Variants in LMTK2 observed in about 807,000 individuals in gnomAD.
LMTK2 encodes lemur tail kinase 2.
LMTK2 carries 37 observed loss-of-function variants against 127.5 expected under a neutral mutation model. The observed-to-expected ratio is 0.29, with a 90% confidence interval of 0.22 to 0.38. The LOEUF is 0.38. Ranked by LOEUF, LMTK2 falls within the 10% of genes least tolerant of loss-of-function variation. The pLI is 1.00. For missense variants in LMTK2, 1,694 were observed against 1,920.3 expected (o/e 0.88, Z 2.20); for synonymous variants, 819 against 810.1 (o/e 1.01, Z -0.19).
At chr7:98,172,151 G>A (rs1363176052) in intron 7 of LMTK2, among the ~76,000 whole-genome samples, 2 of 152,154 alleles carry the variant, frequency 1.3e-5, no homozygotes, top group African/African-American at 4.8e-5. Context: ...GGCTTCAGGT[G>A]CCCATTTGGA....
At position 98,205,363 on chromosome 7, in the gene LMTK2, G is replaced by A. The variant is rs1797774063; in HGVS notation, c.4484-101G>A. 9 of 1,429,348 alleles carry A rather than the reference G, an allele frequency of 6.3e-6. No individual in the cohort carries two copies. In the South Asian group the frequency reaches 8.1e-5, roughly 13 times the overall value. 88.5% of individuals were successfully genotyped at this position (1,429,348 alleles called of 1,614,324 possible). On this transcript the variant is annotated intron_variant, in intron 13 of 13. Transcript: ENST00000297293. ...AGGCGGTGCTGGGCTCAAAACACCC[G>A]CTTCCGTTCCTGTGGTGCAGCGCAC...
chr7:98,180,766 AC>A, intron 7 of LMTK2, among the ~76,000 whole-genome samples: 1 of 152,240 alleles, frequency 6.6e-6, no homozygotes, highest in Non-Finnish European at 1.5e-5. Context: ...TTTACTTATA[AC>A]AGACTATTAC....
rs186487959 is a variant in LMTK2, at chr7:98,151,378, A to G, written c.377-4A>G. 75 of 1,602,690 alleles carry G rather than the reference A, an allele frequency of 4.7e-5. No homozygotes were observed. The African/African-American group carries it at 6.8e-4, about 15-fold the overall frequency. ...TTTCATTTTTAATGTTTTTTTCTCTACAGAGGGATTGAAGTCTCAAGTTGC... is the reference window on the plus strand; with the variant it reads ...TTTCATTTTTAATGTTTTTTTCTCTGCAGAGGGATTGAAGTCTCAAGTTGC... On this transcript the variant is annotated splice_region_variant and splice_polypyrimidine_tract_variant and intron_variant, in intron 3 of 13. Transcript: ENST00000297293.
At position 98,193,367 on chromosome 7, in the gene LMTK2, C is replaced by T; in HGVS notation, c.2902C>T (p.Leu968Phe). ...AAAAGAAGCAGGCTTGGTGTCTGCCCTCTCCTCGGACTCAACCAGTCAGGA... is the reference window on the plus strand; with the variant it reads ...AAAAGAAGCAGGCTTGGTGTCTGCCTTCTCCTCGGACTCAACCAGTCAGGA... ...AAKEAGLVSA[L>F]SSDSTSQDSL... The change falls in exon 11 of 14, where the codon CTC (leucine) becomes TTC (phenylalanine). Residue 968 changes from leucine to phenylalanine, a missense_variant. Coordinates refer to ENST00000297293, the MANE Select transcript of LMTK2 (RefSeq NM_014916.4). This position sits in a 1 kb window ranked among gnomAD's most constrained non-coding sequence, Gnocchi z 4.1. 1.2e-6 allele frequency: 2 copies of T among 1,614,208 alleles called. No individual in the cohort carries two copies. The highest frequency in any genetic ancestry group is 1.7e-6 in the Non-Finnish European group (2 of 1,180,036).
chr7:98,202,194 G>A (rs150431811), intron 11 of LMTK2, among the ~76,000 whole-genome samples: 32 of 151,810 alleles, frequency 2.1e-4, no homozygotes, highest in African/African-American at 6.8e-4. Flanking sequence ...GATTTCCTTC[G>A]TCATCTCCAT....
intron 2 of LMTK2, among the ~76,000 whole-genome samples, chr7:98,140,123 TTTCTTTCTTTC>T (rs1796658441): frequency 3.9e-4 from 2 of 5,096 alleles, no homozygotes; most frequent in East Asian, 7.1e-3. Context: ...TCTTTCTTTC[TTTCTTTCTTTC>T]TTTCTTTCTT....
chr7:98,139,863 A>G (rs1386049060), intron 2 of LMTK2, among the ~76,000 whole-genome samples: 3 of 152,160 alleles, frequency 2.0e-5, no homozygotes, highest in African/African-American at 7.2e-5. Context: ...TCAGTGGAGA[A>G]CAGTCTTGTT....
At chr7:98,126,786 C>A (rs977162376) in intron 1 of LMTK2, 4 of 152,212 alleles carry the variant, frequency 2.6e-5, no homozygotes, top group Non-Finnish European at 4.4e-5. Context: ...AATTATATAA[C>A]CTTTCTGCAA....
chr7:98,185,141 C>G lies in LMTK2; in HGVS notation c.876+6C>G. 1 of 1,591,686 alleles carries G rather than the reference C, an allele frequency of 6.3e-7. No individual in the cohort carries two copies. Among genetic ancestry groups the G allele is most frequent in the Non-Finnish European group, 8.6e-7 (1 of 1,160,306 alleles). Reference sequence around the variant, plus strand: ...TAGGATTCAGCAGGTACAAGGTAAGCCAGAGGTTTAAATGTTTTCAGTCTG... The same window carrying G: ...TAGGATTCAGCAGGTACAAGGTAAGGCAGAGGTTTAAATGTTTTCAGTCTG... On this transcript the variant is annotated splice_donor_region_variant and intron_variant, in intron 8 of 13. Coordinates refer to ENST00000297293, the MANE Select transcript of LMTK2 (RefSeq NM_014916.4).
At chr7:98,146,172 C>T (rs926647597) in intron 3 of LMTK2, among the ~76,000 whole-genome samples, 1 of 152,076 alleles carries the variant, frequency 6.6e-6, no homozygotes, top group African/African-American at 2.4e-5. Flanking sequence ...GATACAGACT[C>T]TTGATCTGTA....
intron 11 of LMTK2, among the ~76,000 whole-genome samples, chr7:98,195,544 A>G (rs1375331186): frequency 6.6e-6 from 1 of 151,670 alleles, no homozygotes; most frequent in African/African-American, 2.4e-5. Context: ...CATCAGCTGG[A>G]TTGTTGGGAG....
At chr7:98,154,513 A>C (rs1796899389) in intron 4 of LMTK2, among the ~76,000 whole-genome samples, 1 of 152,250 alleles carries the variant, frequency 6.6e-6, no homozygotes, top group South Asian at 2.1e-4. Flanking sequence ...TTTTAAAATA[A>C]ATAGAAAAGA....
chr7:98,117,759 G>T (rs1408400318), intron 1 of LMTK2, among the ~76,000 whole-genome samples: 2 of 152,092 alleles, frequency 1.3e-5, no homozygotes, highest in African/African-American at 2.4e-5. Flanking sequence ...TTGAGGTCAG[G>T]AGTTCAAGAC....
intron 11 of LMTK2, among the ~76,000 whole-genome samples, chr7:98,199,012 G>A (rs1797671568): frequency 1.3e-5 from 2 of 152,116 alleles, no homozygotes; most frequent in East Asian, 3.8e-4. Context: ...ATTTCCAAGA[G>A]TTGGAGATTT....
chr7:98,134,656 GA>G (rs58105358), intron 1 of LMTK2, among the ~76,000 whole-genome samples: 1,466 of 123,674 alleles, frequency 0.012, 20 homozygotes, highest in African/African-American at 0.036. Flanking sequence ...TCTCTCAATA[GA>G]AAAAAAAAAA....
intron 1 of LMTK2, among the ~76,000 whole-genome samples, chr7:98,110,506 C>G (rs1427369489): frequency 6.6e-6 from 1 of 152,188 alleles, no homozygotes; most frequent in African/African-American, 2.4e-5. Flanking sequence ...GGAGAAAGTT[C>G]ACTGTTTTCA....
At chr7:98,164,344 CTGCCTGG>C (rs1797060640) in intron 6 of LMTK2, among the ~76,000 whole-genome samples, 1 of 152,220 alleles carries the variant, frequency 6.6e-6, no homozygotes, top group South Asian at 2.1e-4. Flanking sequence ...GTGCCGGGAG[CTGCCTGG>C]TGCTTTAAGG....
At position 98,194,130 on chromosome 7, in the gene LMTK2, C is replaced by T. The variant is rs769624503; in HGVS notation, c.3665C>T (p.Pro1222Leu). ...GDDFETQDDRPCTLASTGTNT... is the reference protein window; with the variant it reads ...GDDFETQDDRLCTLASTGTNT... ...GACTTCGAGACACAGGACGATCGCC[C>T]CTGCACCCTCGCTTCCACGGGGACC... Residue 1222 changes from proline to leucine, a missense_variant, in exon 11 of 14, where the codon CCC becomes CTC. Physicochemically the swap from Pro to Leu is moderately conservative, Grantham distance 98 (BLOSUM62 -3). Transcript: ENST00000297293. The surrounding 1 kb of genome is among the most constrained non-coding windows in gnomAD (Gnocchi z 5.4). 1 of 1,614,104 alleles carries T rather than the reference C, an allele frequency of 6.2e-7. No homozygotes were observed. The highest frequency in any genetic ancestry group is 8.5e-7 in the Non-Finnish European group (1 of 1,180,050).
In LMTK2 at chr7:98,195,099, T is replaced by C. The variant is rs538397755; in HGVS notation, c.4107+527T>C. Among the ~76,000 whole-genome samples the C allele has an allele frequency of 2.1e-4, 32 of 152,194 alleles. 1 individual carries two copies. The highest frequency in any genetic ancestry group is 7.2e-4 in the African/African-American group (30 of 41,526). ...GGTCTTGCTATGTTGCCTAGGCTGC[T>C]CTCAAACTCCTGGGCTCAAGCCATC... On this transcript the variant is annotated intron_variant, in intron 11 of 13. Transcript: ENST00000297293.
Sources: allele counts gnomAD v4.1 joint callset (sites outside exome capture counted in the v4.1 genomes callset), GRCh38; gene constraint gnomAD v4.1.1; non-coding constraint Gnocchi (gnomAD v3.1); transcripts MANE v1.5; gene names NCBI Gene and HGNC (gene_info 2026-07-23, HGNC 2026-07-21).